CDC14B: variants seen among roughly 807,000 people sequenced by gnomAD.
CDC14B encodes cell division cycle 14B, also known as dual specificity protein phosphatase CDC14B.
CDC14B carries 22 observed loss-of-function variants against 64.2 expected under a neutral mutation model. That is an observed-to-expected ratio of 0.34 (90% CI 0.24 to 0.49). The LOEUF (loss-of-function observed/expected upper bound fraction) is 0.49, where lower values mean the gene tolerates loss of function less well. CDC14B is among the 20% of genes least tolerant of loss of function. CDC14B has a pLI of 0.99. For synonymous variants in CDC14B, 191 were observed against 215.8 expected, an observed-to-expected ratio of 0.89 and a Z score of 1.01; for missense variants, 498 against 629.9, an observed-to-expected ratio of 0.79 and a Z score of 2.24.
At chr9:96,519,008 C>T (rs1281525170) in intron 12 of CDC14B, among the ~76,000 whole-genome samples, 8 of 151,410 alleles carry the variant, frequency 5.3e-5, no homozygotes, top group Admixed American at 2.0e-4. Context: ...TGGTGGTGGG[C>T]GCCTGTATTC....
chr9:96,541,944 C>T (rs1319674602), intron 5 of CDC14B, 52 bp from the exon 6 acceptor site: 1 of 1,257,726 alleles, frequency 8.0e-7, no homozygotes, highest in South Asian at 1.3e-5. Context: ...TGCAATTACA[C>T]TTACCTAAGA....
chr9:96,596,843 A>G (rs1041661601), intron 1 of CDC14B, among the ~76,000 whole-genome samples: 7 of 151,660 alleles, frequency 4.6e-5, no homozygotes, highest in Admixed American at 3.3e-4. Context: ...TGGACGGCAG[A>G]TGGAGACCTT....
chr9:96,557,910 A>G (rs1368050294), intron 4 of CDC14B, among the ~76,000 whole-genome samples: 1 of 152,238 alleles, frequency 6.6e-6, no homozygotes, highest in Admixed American at 6.5e-5. Flanking sequence ...CTTGGCATTT[A>G]TTTTATACAC....
At chr9:96,534,841 A>C (rs1270867984) in intron 7 of CDC14B, among the ~76,000 whole-genome samples, 1 of 152,194 alleles carries the variant, frequency 6.6e-6, no homozygotes, top group Non-Finnish European at 1.5e-5. Context: ...TATCTGAATC[A>C]ATTCTCATTA....
At chr9:96,512,389 G>A (rs957093119) in intron 12 of CDC14B, among the ~76,000 whole-genome samples, 14 of 148,528 alleles carry the variant, frequency 9.4e-5, no homozygotes, top group Admixed American at 1.4e-4. Flanking sequence ...GTGCAGTGGC[G>A]CAATCATAGC....
chr9:96,499,856 T>G (rs1454950324), downstream of CDC14B, among the ~76,000 whole-genome samples: 2 of 152,214 alleles, frequency 1.3e-5, no homozygotes, highest in Non-Finnish European at 2.9e-5. Context: ...AGAGAGGCCC[T>G]GCGAGGAGGC....
intron 5 of CDC14B, among the ~76,000 whole-genome samples, chr9:96,550,502 T>C (rs1341253247): frequency 6.6e-6 from 1 of 152,244 alleles, no homozygotes; most frequent in Non-Finnish European, 1.5e-5. Context: ...CTCCCTTTTT[T>C]AAAGTTAGGG....
In CDC14B at chr9:96,607,092, C is replaced by CA. The variant is rs200426635; in HGVS notation, c.160+12126dup. Among the ~76,000 whole-genome samples the CA allele has an allele frequency of 2.0e-3, 288 of 147,186 alleles. 1 individual carries two copies. The highest frequency in any genetic ancestry group is 5.1e-3 in the East Asian group (26 of 5,056). On this transcript the variant is annotated intron_variant, in intron 1 of 13. Transcript: ENST00000375241. ...AATCCAGAGCTTTGATTAAAAAAAA[C>CA]AAAAAAAAATCTGAGTTTATTGGGA...
chr9:96,597,468 T>G (rs1026595394), intron 1 of CDC14B, among the ~76,000 whole-genome samples: 2 of 145,496 alleles, frequency 1.4e-5, no homozygotes, highest in Non-Finnish European at 3.0e-5. Flanking sequence ...CGCTCCAGCC[T>G]GGGTAACAAA....
rs5899295 is a variant in CDC14B, at chr9:96,603,155, GACACAC to G, written c.160+16058_160+16063del. On this transcript the variant is annotated intron_variant, in intron 1 of 13. Transcript: ENST00000375241. ...GGTGTCATTTGAGGTGATAGAAACG[GACACAC>G]ACACACACACACACACACACACACA... Among the ~76,000 whole-genome samples, 531 of 138,134 alleles carry G rather than the reference GACACAC, an allele frequency of 3.8e-3. 2 individuals carry two copies. The highest frequency in any genetic ancestry group is 5.2e-3 in the Non-Finnish European group (325 of 62,268). The allele number at this position is 138,134 out of a possible 152,430, so 90.6% of individuals were successfully genotyped here. A position where few individuals can be genotyped will look rare whatever the true frequency, so the allele number is the denominator to read the frequency against.
intron 1 of CDC14B, among the ~76,000 whole-genome samples, chr9:96,606,833 T>G (rs1375492559): frequency 6.6e-6 from 1 of 152,060 alleles, no homozygotes; most frequent in African/African-American, 2.4e-5. Flanking sequence ...CCCAAAGTGC[T>G]GGGATTACAG....
intron 1 of CDC14B, among the ~76,000 whole-genome samples, chr9:96,581,022 G>A (rs983771709): frequency 6.6e-6 from 1 of 151,986 alleles, no homozygotes; most frequent in African/African-American, 2.4e-5. Context: ...ACAAGGTCTG[G>A]AGTTCAAGAC....
intron 12 of CDC14B, chr9:96,514,974 A>G: frequency 1.0e-6 from 1 of 970,622 alleles, no homozygotes; most frequent in Non-Finnish European, 1.2e-6. Context: ...AAGCAGGAAC[A>G]ATGACCATCA....
intron 12 of CDC14B, chr9:96,514,676 G>C (rs16911032): frequency 1.0e-6 from 1 of 985,318 alleles, no homozygotes; most frequent in Admixed American, 6.1e-5. Context: ...TCCAAGAGGA[G>C]ACAAGAGAAG....
At chr9:96,511,353 A>C (rs1325942696) in intron 12 of CDC14B, among the ~76,000 whole-genome samples, 1 of 152,202 alleles carries the variant, frequency 6.6e-6, no homozygotes, top group Non-Finnish European at 1.5e-5. Flanking sequence ...TGGTTGGATC[A>C]CGAGGTCAGG....
intron 9 of CDC14B, among the ~76,000 whole-genome samples, chr9:96,527,455 G>A (rs1056644141): frequency 2.0e-5 from 3 of 152,148 alleles, no homozygotes; most frequent in African/African-American, 7.2e-5. Context: ...TATTTCCTTA[G>A]TGTAAGTTTC....
intron 1 of CDC14B, among the ~76,000 whole-genome samples, chr9:96,599,505 A>C (rs1012277455): frequency 6.6e-6 from 1 of 152,208 alleles, no homozygotes; most frequent in Non-Finnish European, 1.5e-5. Flanking sequence ...AGCACATGCT[A>C]TCTCTCAATT....
chr9:96,551,014 G>A (rs1202061010), intron 5 of CDC14B, among the ~76,000 whole-genome samples: 1 of 150,480 alleles, frequency 6.6e-6, no homozygotes, highest in Admixed American at 6.7e-5. Context: ...TATTGGGAAC[G>A]TTTCTTAACT....
chr9:96,538,838 T>A, intron 7 of CDC14B: 1 of 424,370 alleles, frequency 2.4e-6, no homozygotes, highest in Non-Finnish European at 4.2e-6. Context: ...GTGTACTGTA[T>A]GCTTGAAATC....
Sources: gnomAD v4.1 joint callset for allele counts (sites outside exome capture counted in the v4.1 genomes callset) on GRCh38, gnomAD v4.1.1 for gene constraint, MANE v1.5 for transcripts, NCBI Gene and HGNC (gene_info 2026-07-23, HGNC 2026-07-21) for gene names.